CNTN1: variants seen among roughly 807,000 people sequenced by gnomAD.
The protein encoded by CNTN1 is contactin-1.
Under a neutral mutation model 126.4 loss-of-function variants are expected in CNTN1, and 38 were observed. That is an observed-to-expected ratio of 0.30 (90% CI 0.23 to 0.39). CNTN1 has a LOEUF of 0.39. Ranked by LOEUF, CNTN1 falls within the 10% of genes least tolerant of loss-of-function variation. The probability of loss-of-function intolerance (pLI) is 1.00; values close to 1 mark genes in which losing one functional copy is unlikely to be tolerated. For missense variants in CNTN1, 1,009 were observed against 1,248.4 expected, an observed-to-expected ratio of 0.81 and a Z score of 2.89; for synonymous variants, 413 against 422.6, an observed-to-expected ratio of 0.98 and a Z score of 0.28.
intron 23 of CNTN1, among the ~76,000 whole-genome samples, chr12:41,031,651 T>C (rs1031088389): frequency 2.0e-5 from 3 of 152,160 alleles, no homozygotes; most frequent in African/African-American, 7.2e-5. Context: ...GAAGAGTATT[T>C]TTTTAATCCC....
rs1950162445 is a variant in CNTN1, at chr12:41,071,694, ATGATTTCCC to A, written c.*1660_*1668del. On this transcript the variant is annotated 3_prime_UTR_variant, in exon 24 of 24. Transcript: ENST00000551295. ...AAACTTTTAAAAATAAGTGAAATGG[ATGATTTCCC>A]AGTGGAAGTATGTCAACAGTCTTAA... 1 of 152,182 alleles carries A rather than the reference ATGATTTCCC, an allele frequency of 6.6e-6. No individual in the cohort carries two copies. Among genetic ancestry groups the A allele is most frequent in the Admixed American group, 6.6e-5 (1 of 15,266 alleles). The allele number at this position is 152,182 out of a possible 1,614,324, so 9.4% of individuals were successfully genotyped here.
At chr12:40,693,270 C>T (rs1941351296) in intron 1 of CNTN1, among the ~76,000 whole-genome samples, 2 of 152,250 alleles carry the variant, frequency 1.3e-5, no homozygotes, top group African/African-American at 4.8e-5. Flanking sequence ...GGAGCCACGG[C>T]CCCTTCCCTC....
intron 1 of CNTN1, among the ~76,000 whole-genome samples, chr12:40,791,938 A>G (rs191428809): frequency 6.2e-4 from 95 of 152,252 alleles, no homozygotes; most frequent in Non-Finnish European, 9.1e-4. Flanking sequence ...AGTACTTGCT[A>G]TGTGCTCAGC....
chr12:40,994,688 C>G (rs1030583212), intron 17 of CNTN1, among the ~76,000 whole-genome samples: 3 of 151,970 alleles, frequency 2.0e-5, no homozygotes, highest in Non-Finnish European at 2.9e-5. Flanking sequence ...CTTAGATTAC[C>G]TACATATCCT....
chr12:40,907,701 T>C (rs1185071822), intron 1 of CNTN1, among the ~76,000 whole-genome samples: 1 of 152,244 alleles, frequency 6.6e-6, no homozygotes, highest in Non-Finnish European at 1.5e-5. Flanking sequence ...AAAACCTTGA[T>C]TGTCCCCTGT....
intron 1 of CNTN1, among the ~76,000 whole-genome samples, chr12:40,746,382 A>T (rs1938184368): frequency 6.6e-6 from 1 of 152,124 alleles, no homozygotes; most frequent in African/African-American, 2.4e-5. Context: ...GCAAATCTAT[A>T]AGGGTCTGCA....
chr12:40,806,213 C>T (rs1036682967), intron 1 of CNTN1, among the ~76,000 whole-genome samples: 7 of 152,096 alleles, frequency 4.6e-5, no homozygotes, highest in African/African-American at 1.7e-4. Context: ...ATTTCTGCCC[C>T]TCCTCCCCAT....
In CNTN1 at chr12:40,943,606, T is replaced by C. The variant is rs149149036; in HGVS notation, c.1389T>C (p.Ile463=). 6.4e-7 allele frequency: 1 copy of C among 1,574,106 alleles called. No individual in the cohort carries two copies. The highest frequency in any genetic ancestry group is 8.7e-7 in the Non-Finnish European group (1 of 1,143,974). Residue 463 remains isoleucine (I), a synonymous_variant, in exon 13 of 24, where the codon ATT becomes ATC. Coordinates refer to ENST00000551295, the MANE Select transcript of CNTN1 (RefSeq NM_001843.4). ...ATTTTTATTTCACTAGAATACTCAT[T>C]TGGGAAGATGGTAGCTTGGAAATCA... ...EWLVNSSRIL[I]WEDGSLEINN...
intron 3 of CNTN1, among the ~76,000 whole-genome samples, chr12:40,914,893 T>C (rs747217111): frequency 2.0e-5 from 3 of 152,282 alleles, no homozygotes; most frequent in Non-Finnish European, 2.9e-5. Flanking sequence ...GAGGGTTTGC[T>C]CATTCCTTAT....
At chr12:40,790,755 C>T (rs1442489107) in intron 1 of CNTN1, among the ~76,000 whole-genome samples, 1 of 152,096 alleles carries the variant, frequency 6.6e-6, no homozygotes, top group Non-Finnish European at 1.5e-5. Context: ...CGATGTGAAT[C>T]TTTTTTTGTC....
In CNTN1 at chr12:40,965,998, CCACACACA is replaced by C. The variant is rs57532764; in HGVS notation, c.1804+6798_1804+6805del. On this transcript the variant is annotated intron_variant, in intron 15 of 23. Transcript: ENST00000551295. The stretch of plus-strand genomic sequence containing the variant: ...GTGTAAGTATACACACCTCATCACA[CCACACACA>C]CACACACACACACACACACACACAC... Among the ~76,000 whole-genome samples, 238 of 136,282 alleles carry C rather than the reference CCACACACA, an allele frequency of 1.7e-3. 1 individual carries two copies. The highest frequency in any genetic ancestry group is 4.8e-3 in the African/African-American group (167 of 34,812). The allele number at this position is 136,282 out of a possible 152,430, so 89.4% of individuals were successfully genotyped here.
At chr12:40,741,060 C>T (rs894816036) in intron 1 of CNTN1, among the ~76,000 whole-genome samples, 1 of 152,046 alleles carries the variant, frequency 6.6e-6, no homozygotes, top group Non-Finnish European at 1.5e-5. Flanking sequence ...TTTTTGCACT[C>T]ATTTCCTAGC....
At position 40,901,873 on chromosome 12, in the gene CNTN1, A is replaced by G. The variant is rs542012195; in HGVS notation, c.-76-6484A>G. On this transcript the variant is annotated intron_variant, in intron 1 of 23. Coordinates refer to ENST00000551295, the MANE Select transcript of CNTN1 (RefSeq NM_001843.4). ...GCAATAAGCTGCTTAAACATTGTTA[A>G]TGACTTCATAGAAAATGGTTAGACT... Among the ~76,000 whole-genome samples the G allele has an allele frequency of 4.6e-5, 7 of 152,326 alleles. No individual in the cohort carries two copies. In the East Asian group the frequency reaches 7.7e-4, roughly 17 times the overall value.
chr12:40,724,269 G>A (rs1477572433), intron 1 of CNTN1, among the ~76,000 whole-genome samples: 4 of 152,178 alleles, frequency 2.6e-5, no homozygotes, highest in South Asian at 4.1e-4. Flanking sequence ...GTTATGGTCA[G>A]ATTCTGCCAT....
At chr12:40,854,384 T>C (rs914076565) in intron 1 of CNTN1, among the ~76,000 whole-genome samples, 3 of 152,080 alleles carry the variant, frequency 2.0e-5, no homozygotes, top group African/African-American at 7.2e-5. Context: ...AGACACAACA[T>C]GGGGGAATAA....
chr12:41,017,879 G>A (rs1000277466), intron 19 of CNTN1, among the ~76,000 whole-genome samples: 4 of 152,024 alleles, frequency 2.6e-5, no homozygotes, highest in Non-Finnish European at 5.9e-5. Flanking sequence ...ATCACCTGAG[G>A]TTGGGAGTTC....
At chr12:40,875,037 A>C (rs1440120379) in intron 1 of CNTN1, among the ~76,000 whole-genome samples, 1 of 152,140 alleles carries the variant, frequency 6.6e-6, no homozygotes, top group Admixed American at 6.5e-5. Context: ...ACACGTATAT[A>C]CAAGAGTGCT....
intron 1 of CNTN1, among the ~76,000 whole-genome samples, chr12:40,803,213 G>C (rs1281422373): frequency 6.6e-6 from 1 of 151,176 alleles, no homozygotes; most frequent in African/African-American, 2.4e-5. Context: ...TCTTCAGTTA[G>C]GGCATGAACA....
At chr12:40,956,063 T>C (rs1946868989) in intron 14 of CNTN1, among the ~76,000 whole-genome samples, 1 of 152,136 alleles carries the variant, frequency 6.6e-6, no homozygotes, top group South Asian at 2.1e-4. Context: ...TAGTAAATGC[T>C]GTCACTGTCA....
Sources: gnomAD v4.1 joint callset for allele counts (sites outside exome capture counted in the v4.1 genomes callset) on GRCh38, gnomAD v4.1.1 for gene constraint, MANE v1.5 for transcripts, NCBI Gene and HGNC (gene_info 2026-07-23, HGNC 2026-07-21) for gene names.